NRXN1: variants seen among roughly 807,000 people sequenced by gnomAD.
NRXN1 encodes neurexin-1.
In NRXN1, 39 loss-of-function variants were observed where a neutral mutation model predicts 150.9. The ratio of observed to expected loss-of-function variants is 0.26; its 90% CI spans 0.20 to 0.34. The LOEUF (loss-of-function observed/expected upper bound fraction) is 0.34. Ranked by LOEUF, NRXN1 falls within the 10% of genes least tolerant of loss-of-function variation. The probability of loss-of-function intolerance (pLI) is 1.00; values close to 1 mark genes in which losing one functional copy is unlikely to be tolerated. For missense variants in NRXN1, 1,815 were observed against 1,949.9 expected, an observed-to-expected ratio of 0.93 and a Z score of 1.30; for synonymous variants, 924 against 757.0, an observed-to-expected ratio of 1.22 and a Z score of -3.62.
At chr2:50,356,024 C>A (rs1322928414) in intron 17 of NRXN1, among the ~76,000 whole-genome samples, 2 of 151,744 alleles carry the variant, frequency 1.3e-5, no homozygotes, top group Non-Finnish European at 1.5e-5. Flanking sequence ...TCATATTTTC[C>A]TACTCATGTT....
At chr2:50,812,590 A>T (rs909578161) in intron 5 of NRXN1, among the ~76,000 whole-genome samples, 1 of 152,006 alleles carries the variant, frequency 6.6e-6, no homozygotes, top group East Asian at 1.9e-4. Flanking sequence ...ACTATAATTC[A>T]CAATTTAATT....
At chr2:50,974,292 C>T (rs1226805014) in intron 2 of NRXN1, among the ~76,000 whole-genome samples, 3 of 152,056 alleles carry the variant, frequency 2.0e-5, no homozygotes, top group South Asian at 4.1e-4. Context: ...CTCATTTTGG[C>T]CACAATTAAC....
intron 21 of NRXN1, chr2:50,023,726 G>T: frequency 6.6e-6 from 1 of 152,076 alleles, no homozygotes. Flanking sequence ...TCCAATCCAA[G>T]GACATTTAAG....
intron 5 of NRXN1, among the ~76,000 whole-genome samples, chr2:50,745,213 C>T (rs888643644): frequency 1.3e-4 from 19 of 151,898 alleles, no homozygotes; most frequent in African/African-American, 4.6e-4. Flanking sequence ...ATGACTATAG[C>T]TAGAATTAAA....
chr2:50,313,860 G>A (rs892517659), intron 17 of NRXN1, among the ~76,000 whole-genome samples: 8 of 152,040 alleles, frequency 5.3e-5, no homozygotes, highest in African/African-American at 1.9e-4. Flanking sequence ...TTTCCACTCG[G>A]CAGACAGAAT....
chr2:50,258,786 T>A (rs530165357), intron 17 of NRXN1, among the ~76,000 whole-genome samples: 1 of 152,186 alleles, frequency 6.6e-6, no homozygotes, highest in African/African-American at 2.4e-5. Flanking sequence ...TACTCCTTCC[T>A]TGGGTTATAA....
At chr2:50,480,295 C>T (rs1342893897) in intron 15 of NRXN1, among the ~76,000 whole-genome samples, 1 of 152,124 alleles carries the variant, frequency 6.6e-6, no homozygotes, top group Admixed American at 6.5e-5. Context: ...AATGAGAACC[C>T]ATGCATGAAT....
chr2:50,934,387 C>T (rs1266249365), intron 2 of NRXN1, among the ~76,000 whole-genome samples: 1 of 151,940 alleles, frequency 6.6e-6, no homozygotes, highest in African/African-American at 2.4e-5. Context: ...TTCTCTTTTC[C>T]TCTTTGTATC....
At chr2:50,234,509 C>T (rs560177333) in intron 18 of NRXN1, among the ~76,000 whole-genome samples, 131 of 152,134 alleles carry the variant, frequency 8.6e-4, no homozygotes, top group Non-Finnish European at 1.6e-3. Flanking sequence ...ACGACAACAA[C>T]AACAACAACA....
chr2:50,438,873 T>C (rs1326602737), intron 17 of NRXN1, among the ~76,000 whole-genome samples: 1 of 152,174 alleles, frequency 6.6e-6, no homozygotes, highest in Non-Finnish European at 1.5e-5. Context: ...GATCTTCTGG[T>C]GGCTTCTCCT....
chr2:50,939,202 C>A (rs1184672877), intron 2 of NRXN1, among the ~76,000 whole-genome samples: 1 of 102,268 alleles, frequency 9.8e-6, no homozygotes, highest in African/African-American at 4.7e-5. Context: ...CAGAGCGAGA[C>A]TCCATCTCAA....
chr2:50,543,604 C>A (rs994951639), intron 9 of NRXN1, among the ~76,000 whole-genome samples: 2 of 151,956 alleles, frequency 1.3e-5, no homozygotes, highest in Non-Finnish European at 2.9e-5. Context: ...ATTTATGTTT[C>A]TTGTAAAACT....
At chr2:50,362,755 T>C (rs2079311862) in intron 17 of NRXN1, among the ~76,000 whole-genome samples, 1 of 152,174 alleles carries the variant, frequency 6.6e-6, no homozygotes. Context: ...TTAAATTTCA[T>C]ATGGAATAAA....
intron 2 of NRXN1, among the ~76,000 whole-genome samples, chr2:50,972,084 T>TCA (rs1319688978): frequency 5.5e-5 from 5 of 90,798 alleles, no homozygotes; most frequent in Non-Finnish European, 1.1e-4. Context: ...TTTATTTTAT[T>TCA]CACAAAAAAA....
intron 5 of NRXN1, among the ~76,000 whole-genome samples, chr2:50,684,486 A>G (rs1243823994): frequency 1.3e-5 from 2 of 152,196 alleles, no homozygotes; most frequent in African/African-American, 2.4e-5. Flanking sequence ...TGGGTGACAG[A>G]GCAAGATCCT....
At chr2:50,991,130 G>C (rs567681015) in intron 2 of NRXN1, among the ~76,000 whole-genome samples, 1 of 152,022 alleles carries the variant, frequency 6.6e-6, no homozygotes, top group Non-Finnish European at 1.5e-5. Context: ...TGGCAGGTCT[G>C]TCATTTCTTT....
intron 2 of NRXN1, among the ~76,000 whole-genome samples, chr2:51,013,735 T>C (rs1368406651): frequency 6.6e-6 from 1 of 152,076 alleles, no homozygotes; most frequent in Non-Finnish European, 1.5e-5. Context: ...TCTGCTGACC[T>C]GTTCTCACAT....
intron 17 of NRXN1, among the ~76,000 whole-genome samples, chr2:50,248,148 G>C (rs2066683747): frequency 6.6e-6 from 1 of 151,930 alleles, no homozygotes; most frequent in East Asian, 1.9e-4. Context: ...GAGTAGCTGG[G>C]GCTTCAGGCA....
At chr2:50,176,867 AG>A (rs2060384431) in intron 18 of NRXN1, among the ~76,000 whole-genome samples, 1 of 152,084 alleles carries the variant, frequency 6.6e-6, no homozygotes, top group African/African-American at 2.4e-5. Context: ...TAAGACATAC[AG>A]GTTGCTTTCA....
Sources: allele counts gnomAD v4.1 joint callset (sites outside exome capture counted in the v4.1 genomes callset), GRCh38; gene constraint gnomAD v4.1.1; transcripts MANE v1.5; gene names NCBI Gene and HGNC (gene_info 2026-07-23, HGNC 2026-07-21).